Variants in HHAT observed in about 807,000 individuals in gnomAD.
HHAT encodes the protein protein-cysteine N-palmitoyltransferase HHAT.
Under a neutral mutation model 70.8 loss-of-function variants are expected in HHAT, and 47 were observed. The observed-to-expected ratio is 0.66, with a 90% CI of 0.53 to 0.85. HHAT has a LOEUF of 0.85. Ranked by LOEUF, HHAT falls within the 40% of genes least tolerant of loss-of-function variation. The probability of loss-of-function intolerance (pLI) is 0.00; values close to 1 mark genes in which losing one functional copy is unlikely to be tolerated. For missense variants in HHAT, 609 were observed against 604.8 expected (o/e 1.01, Z -0.07); for synonymous variants, 228 against 247.6 (o/e 0.92, Z 0.74).
chr1:210,645,881 A>ACGCT (rs200973358), intron 11 of HHAT, among the ~76,000 whole-genome samples: 4,055 of 152,148 alleles, frequency 0.027, 71 homozygotes, highest in African/African-American at 0.038. Context: ...GGTTCCCTAT[A>ACGCT]CGCTCTCTAG....
chr1:210,577,495 A>G (rs1335833748), intron 9 of HHAT, among the ~76,000 whole-genome samples: 4 of 152,102 alleles, frequency 2.6e-5, no homozygotes, highest in African/African-American at 9.7e-5. Context: ...TGATTTGTGT[A>G]AGTTGAGACA....
At chr1:210,342,535 T>A (rs2086129371) in intron 1 of HHAT, among the ~76,000 whole-genome samples, 1 of 152,240 alleles carries the variant, frequency 6.6e-6, no homozygotes, top group Admixed American at 6.5e-5. Context: ...ACACAGGCTG[T>A]GTCCCTATAG....
rs35608235 is a variant in HHAT, at chr1:210,410,523, ATTTTTTT to A, written c.684+5860_684+5866del. Among the ~76,000 whole-genome samples the A allele has an allele frequency of 3.7e-3, 431 of 116,426 alleles. 13 individuals carry two copies. In the South Asian group the frequency reaches 0.081, roughly 22 times the overall value. The allele number at this position is 116,426 out of a possible 152,430, so 76.4% of individuals were successfully genotyped here. ...CTTTTGCTGTGTTGTTTATTTGTAA[ATTTTTTT>A]TTTTTTTTTTTTTTTAAGATAGAGT... On this transcript the variant is annotated intron_variant, in intron 6 of 11. Coordinates refer to ENST00000261458, the MANE Select transcript of HHAT (RefSeq NM_018194.6).
chr1:210,468,500 G>T (rs1226010946), intron 8 of HHAT, among the ~76,000 whole-genome samples: 2 of 152,164 alleles, frequency 1.3e-5, no homozygotes, highest in Non-Finnish European at 2.9e-5. Context: ...GGGGATCTGG[G>T]TGCTGTTGGT....
intron 9 of HHAT, among the ~76,000 whole-genome samples, chr1:210,548,003 G>A (rs2095498477): frequency 6.6e-6 from 1 of 152,212 alleles, no homozygotes; most frequent in African/African-American, 2.4e-5. Context: ...GGTGTTTATA[G>A]GAAACAGTCC....
At chr1:210,473,025 C>T (rs1412532182) in intron 8 of HHAT, among the ~76,000 whole-genome samples, 2 of 152,098 alleles carry the variant, frequency 1.3e-5, no homozygotes, top group African/African-American at 4.8e-5. Context: ...CTCTTCAGAC[C>T]TTTAAAAGGT....
At chr1:210,445,202 A>G (rs2093611003) in intron 7 of HHAT, among the ~76,000 whole-genome samples, 1 of 152,230 alleles carries the variant, frequency 6.6e-6, no homozygotes, top group African/African-American at 2.4e-5. Flanking sequence ...TGCGGAGAAT[A>G]TAAAATAGAA....
chr1:210,355,000 T>C (rs2087461667), intron 2 of HHAT, among the ~76,000 whole-genome samples: 1 of 152,188 alleles, frequency 6.6e-6, no homozygotes, highest in African/African-American at 2.4e-5. Context: ...CTTTCATCAC[T>C]TCCCTTAATG....
At chr1:210,456,586 T>A (rs2093873895) in intron 7 of HHAT, among the ~76,000 whole-genome samples, 1 of 152,210 alleles carries the variant, frequency 6.6e-6, no homozygotes, top group East Asian at 1.9e-4. Flanking sequence ...GTAGATTACA[T>A]GTGTCTGTCC....
intron 11 of HHAT, among the ~76,000 whole-genome samples, chr1:210,646,210 A>G (rs1674028283): frequency 6.6e-6 from 1 of 152,178 alleles, no homozygotes; most frequent in African/African-American, 2.4e-5. Flanking sequence ...ACTTTTAAAT[A>G]TGTTTGGTTT....
At chr1:210,565,971 T>A (rs1364637917) in intron 9 of HHAT, among the ~76,000 whole-genome samples, 1 of 152,160 alleles carries the variant, frequency 6.6e-6, no homozygotes, top group South Asian at 2.1e-4. Flanking sequence ...CTGTGCCAAC[T>A]ATAGGGGGTC....
At chr1:210,649,866 T>C (rs1052958076) in intron 11 of HHAT, among the ~76,000 whole-genome samples, 52 of 152,344 alleles carry the variant, frequency 3.4e-4, no homozygotes, top group African/African-American at 1.2e-3. Flanking sequence ...AAGGCACTTA[T>C]GCAAGGAGAG....
chr1:210,542,134 T>A (rs1024518670), intron 9 of HHAT, among the ~76,000 whole-genome samples: 2 of 152,218 alleles, frequency 1.3e-5, no homozygotes, highest in Non-Finnish European at 2.9e-5. Flanking sequence ...AAATTCAAAC[T>A]GTTTCAAGAT....
At chr1:210,419,363 G>A (rs912518102) in intron 7 of HHAT, among the ~76,000 whole-genome samples, 2 of 152,172 alleles carry the variant, frequency 1.3e-5, no homozygotes, top group Admixed American at 1.3e-4. Context: ...CTCCAGTATA[G>A]GATTTGTCTG....
chr1:210,436,626 C>T (rs555170212), intron 7 of HHAT, among the ~76,000 whole-genome samples: 4 of 151,828 alleles, frequency 2.6e-5, no homozygotes, highest in African/African-American at 9.7e-5. Flanking sequence ...GGGTTCTTAA[C>T]TCTGGTGTGA....
chr1:210,470,591 T>A lies in HHAT; in HGVS notation c.1007+5936T>A, dbSNP rs188531511. Among the ~76,000 whole-genome samples, 85 of 152,372 alleles carry A rather than the reference T, an allele frequency of 5.6e-4. 1 individual carries two copies. The Middle Eastern group carries it at 0.017, about 30-fold the overall frequency. The stretch of plus-strand genomic sequence containing the variant: ...CATCATTATGTTTCGCTTCCTGGAT[T>A]TATTTTTGCTTCACAGATAGTGTGT... On this transcript the variant is annotated intron_variant, in intron 8 of 11. Transcript: ENST00000261458.
intron 11 of HHAT, among the ~76,000 whole-genome samples, chr1:210,640,051 G>C (rs1002831322): frequency 1.9e-4 from 29 of 152,154 alleles, no homozygotes; most frequent in African/African-American, 7.0e-4. Flanking sequence ...AACAGTATGG[G>C]AGACTTCTAA....
intron 9 of HHAT, among the ~76,000 whole-genome samples, chr1:210,557,756 T>C (rs1021375479): frequency 2.6e-5 from 4 of 152,170 alleles, no homozygotes; most frequent in Non-Finnish European, 4.4e-5. Flanking sequence ...TTCAATTATT[T>C]CCCACTGGAT....
chr1:210,653,091 C>G (rs549073992), intron 11 of HHAT, among the ~76,000 whole-genome samples: 2 of 152,102 alleles, frequency 1.3e-5, no homozygotes, highest in African/African-American at 4.8e-5. Context: ...ATCCATTCTG[C>G]AGAATTCTAC....
Sources: gnomAD v4.1 joint callset for allele counts (sites outside exome capture counted in the v4.1 genomes callset) on GRCh38, gnomAD v4.1.1 for gene constraint, MANE v1.5 for transcripts, NCBI Gene and HGNC (gene_info 2026-07-23, HGNC 2026-07-21) for gene names.